The following SYDE1 variants were observed in gnomAD, a reference collection of about 807,000 sequenced individuals.
SYDE1 encodes synapse defective Rho GTPase activating protein 1, also known as rho GTPase-activating protein SYDE1.
A neutral mutation model predicts 63.3 loss-of-function variants in SYDE1; 34 were observed. That is an observed-to-expected ratio of 0.54 (90% CI 0.41 to 0.71). SYDE1 has a LOEUF of 0.71. Ranked by LOEUF, SYDE1 falls within the 30% of genes least tolerant of loss-of-function variation. The pLI is 0.00. For missense variants in SYDE1, 925 were observed against 1,042.5 expected (o/e 0.89, Z 1.55); for synonymous variants, 467 against 473.4 (o/e 0.99, Z 0.18).
rs746262621 is a variant in SYDE1 at position 15,108,902 on chromosome 19, C to G, written c.89-154C>G. ...ACTGAGATCGCTAGCCTGTGGCTGC[C>G]TATTCCAAACAAAACAGCAGGATCC... is the stretch of plus-strand genomic sequence containing the variant. On this transcript the variant is annotated intron_variant, in intron 1 of 7. Coordinates refer to ENST00000342784, the MANE Select transcript of SYDE1 (RefSeq NM_033025.6). This position sits in a 1 kb window ranked among gnomAD's most constrained non-coding sequence, Gnocchi z 4.3. 6 of 1,252,284 alleles carry G rather than the reference C, an allele frequency of 4.8e-6. No homozygotes were observed. Among genetic ancestry groups the G allele is most frequent in the Non-Finnish European group, 6.3e-6 (6 of 953,386 alleles). The allele number at this position is 1,252,284 out of a possible 1,614,324, so 77.6% of individuals were successfully genotyped here. A position where few individuals can be genotyped will look rare whatever the true frequency, so the allele number is the denominator to read the frequency against.
rs763092055 is a variant in SYDE1 at position 15,113,886 on chromosome 19, C to G, written c.2131C>G (p.Leu711Val). The G allele has an allele frequency of 1.2e-6, 2 of 1,614,182 alleles. No homozygotes were observed. Among genetic ancestry groups the G allele is most frequent in the Non-Finnish European group, 1.7e-6 (2 of 1,180,046 alleles). ...DDFDAPFNPH[L>V]NLKDFDALIL... ...CTTCGATGCGCCCTTCAACCCGCACCTGAATCTCAAAGACTTCGACGCCCT... is the reference window on the plus strand; with the variant it reads ...CTTCGATGCGCCCTTCAACCCGCACGTGAATCTCAAAGACTTCGACGCCCT... Residue 711 changes from leucine (L) to valine (V), a missense_variant, in exon 8 of 8, where the codon CTG (leucine) becomes GTG (valine). By Grantham distance (32) the Leu-to-Val change is conservative (BLOSUM62 1). Around this residue, in one of 3 missense-constraint regions of SYDE1, gnomAD observed 255 missense variants for 255.9 expected, o/e 1.00. Transcript: ENST00000342784.
At chr19:15,113,500 AAGC>A in intron 7 of SYDE1, 57 bp from the exon 8 acceptor site, 1 of 1,495,824 alleles carries the variant, frequency 6.7e-7, no homozygotes, top group Non-Finnish European at 8.9e-7. Flanking sequence ...CTAGTTCCCT[AAGC>A]AGCCAATCAG....
chr19:15,111,941 A>T lies in SYDE1; in HGVS notation c.1578+149A>T. On this transcript the variant is annotated intron_variant, in intron 6 of 7. Transcript: ENST00000342784. The surrounding 1 kb of genome is among the most constrained non-coding windows in gnomAD (Gnocchi z 5.5). The stretch of plus-strand genomic sequence containing the variant: ...GTGCTATTAGCATCCCACTTCATAG[A>T]TTTGGAAACTGAGGCCCAAAGCAGG... The T allele has an allele frequency of 1.2e-6, 1 of 864,830 alleles. No individual in the cohort carries two copies. The allele number at this position is 864,830 out of a possible 1,614,324, so 53.6% of individuals were successfully genotyped here.
Position 15,109,657 on chromosome 19 carries a change from T to G in SYDE1, c.431-47T>G. ...CAGGGGAGCACCAGCCTCACCCCCC[T>G]CCCCTAAGCCCAGGTTCCTGGACCC... On this transcript the variant is annotated intron_variant, in intron 2 of 7. Transcript: ENST00000342784. The surrounding 1 kb of genome is among the most constrained non-coding windows in gnomAD (Gnocchi z 5.0). 8.5e-7 allele frequency: 1 copy of G among 1,173,134 alleles called. No individual in the cohort carries two copies. The highest frequency in any genetic ancestry group is 1.2e-6 in the Non-Finnish European group (1 of 862,330). 72.7% of individuals were successfully genotyped at this position (1,173,134 alleles called of 1,614,324 possible).
chr19:15,113,253 T>A (rs985721893), intron 7 of SYDE1, among the ~76,000 whole-genome samples: 1 of 152,172 alleles, frequency 6.6e-6, no homozygotes, highest in Admixed American at 6.5e-5. Context: ...TTGGCCAGGC[T>A]GGTCTTGAAC....
intron 1 of SYDE1, 130 bp downstream of exon 1, chr19:15,107,651 T>G: frequency 3.9e-5 from 11 of 283,988 alleles, no homozygotes; most frequent in South Asian, 1.3e-4. Context: ...CAGACTGGGG[T>G]GCCTCCAGCC....
Position 15,113,974 on chromosome 19 carries a change from G to A in SYDE1, c.*11G>A, listed in dbSNP as rs201498782. The A allele has an allele frequency of 2.5e-5, 40 of 1,605,398 alleles. No homozygotes were observed. Among genetic ancestry groups the A allele is most frequent in the East Asian group, 8.9e-5 (4 of 44,706 alleles). On this transcript the variant is annotated 3_prime_UTR_variant, in exon 8 of 8. Transcript: ENST00000342784. ...AACGTGTGCCTCTGAGCCAGATGACGGGGTGGGACCCCGGTTAGTAAGGAC... is the reference window on the plus strand; with the variant it reads ...AACGTGTGCCTCTGAGCCAGATGACAGGGTGGGACCCCGGTTAGTAAGGAC...
chr19:15,113,750 T>C lies in SYDE1; in HGVS notation c.1995T>C (p.Cys665=), dbSNP rs61732043. 50 of 1,613,812 alleles carry C rather than the reference T, an allele frequency of 3.1e-5. 1 individual carries two copies. In the African/African-American group the frequency reaches 6.3e-4, roughly 20 times the overall value. ...TTTGCGGGCGGGACTTCCTGCCCTG[T>C]GGGCGGGATTTCCTGTCCGGGCCAG... ...WSVCGRDFLP[C]GRDFLSGPDY... is the part of the protein sequence containing the mutation. The change falls in exon 8 of 8, where the codon TGT becomes TGC. Residue 665 remains cysteine (C), a synonymous_variant. Coordinates refer to ENST00000342784, the MANE Select transcript of SYDE1 (RefSeq NM_033025.6).
rs553459926 is a variant in SYDE1, at chr19:15,112,642, C to G, written c.1804+71C>G. The G allele has an allele frequency of 1.8e-5, 24 of 1,340,442 alleles. No homozygotes were observed. The African/African-American group carries it at 3.2e-4, about 18-fold the overall frequency. 83.0% of individuals were successfully genotyped at this position (1,340,442 alleles called of 1,614,324 possible). Reference sequence around the variant, plus strand: ...CTACAGTGATGCCACCTTAAGGGACCAATCAGTGTCTTAGGCTTGAAGCTA... The same window carrying G: ...CTACAGTGATGCCACCTTAAGGGACGAATCAGTGTCTTAGGCTTGAAGCTA... On this transcript the variant is annotated intron_variant, in intron 7 of 7. Coordinates refer to ENST00000342784, the MANE Select transcript of SYDE1 (RefSeq NM_033025.6).
rs146104016 is a variant in SYDE1 at position 15,108,417 on chromosome 19, C to A, written c.89-639C>A. On this transcript the variant is annotated intron_variant, in intron 1 of 7. Coordinates refer to ENST00000342784, the MANE Select transcript of SYDE1 (RefSeq NM_033025.6). The surrounding 1 kb of genome is among the most constrained non-coding windows in gnomAD (Gnocchi z 4.3). ...GGAGAGGAGGGAGGGAAGGGGAAGT[C>A]CCAAAGCATTGAGCGTGGGGGGTCT... Among the ~76,000 whole-genome samples, 9 of 152,176 alleles carry A rather than the reference C, an allele frequency of 5.9e-5. No homozygotes were observed. The highest frequency in any genetic ancestry group is 1.0e-4 in the Non-Finnish European group (7 of 67,990).
At position 15,111,528 on chromosome 19, in the gene SYDE1, C is replaced by T; in HGVS notation, c.1417+89C>T. The T allele has an allele frequency of 6.3e-7, 1 of 1,596,562 alleles. No homozygotes were observed. The highest frequency in any genetic ancestry group is 8.6e-7 in the Non-Finnish European group (1 of 1,168,542). On this transcript the variant is annotated intron_variant, in intron 5 of 7. Transcript: ENST00000342784. This position sits in a 1 kb window ranked among gnomAD's most constrained non-coding sequence, Gnocchi z 5.5. ...GGGCTCCTCTGGGACCTCAGTCCTCCTATCTGACCTTGCTTTCACCCACCT... is the reference window on the plus strand; with the variant it reads ...GGGCTCCTCTGGGACCTCAGTCCTCTTATCTGACCTTGCTTTCACCCACCT...
At chr19:15,112,632 C>A in intron 7 of SYDE1, 61 bp downstream of exon 7, 2 of 1,383,662 alleles carry the variant, frequency 1.4e-6, no homozygotes, top group South Asian at 1.4e-5. Flanking sequence ...GTGATGCCAC[C>A]TTAAGGGACC....
Position 15,110,676 on chromosome 19 carries a change from G to T in SYDE1, c.1231G>T (p.Gly411Cys). 6.3e-7 allele frequency: 1 copy of T among 1,583,092 alleles called. No homozygotes were observed. Among genetic ancestry groups the T allele is most frequent in the Non-Finnish European group, 8.6e-7 (1 of 1,166,824 alleles). Residue 411 changes from glycine to cysteine, a missense_variant, in exon 4 of 8, where the codon GGC becomes TGC. Physicochemically the swap from Gly to Cys is radical, Grantham distance 159. Transcript: ENST00000342784. This position sits in a 1 kb window ranked among gnomAD's most constrained non-coding sequence, Gnocchi z 6.9. ...GCTGGTGGAGCGGGAGCGGCCCCCCGGCCAGGTGCCCCTCATCATCCAGAA... is the reference window on the plus strand; with the variant it reads ...GCTGGTGGAGCGGGAGCGGCCCCCCTGCCAGGTGCCCCTCATCATCCAGAA... ...PLLVERERPP[G>C]QVPLIIQKCV...
rs1335210275 is a variant in SYDE1, at chr19:15,110,515, C to G, written c.1076-6C>G. ...ACACCCGGCTCAGGCCCCCTTGTGT[C>G]CTCAGGGTGCCAGGCCCAACAGCTG... is the stretch of plus-strand genomic sequence containing the variant. On this transcript the variant is annotated splice_region_variant and splice_polypyrimidine_tract_variant and intron_variant, in intron 3 of 7. Coordinates refer to ENST00000342784, the MANE Select transcript of SYDE1 (RefSeq NM_033025.6). This position sits in a 1 kb window ranked among gnomAD's most constrained non-coding sequence, Gnocchi z 6.9. 1 of 1,572,030 alleles carries G rather than the reference C, an allele frequency of 6.4e-7. No individual in the cohort carries two copies. The highest frequency in any genetic ancestry group is 8.6e-7 in the Non-Finnish European group (1 of 1,161,666).
In SYDE1 at chr19:15,111,843, A is replaced by G. The variant is rs1263209415; in HGVS notation, c.1578+51A>G. 6.7e-7 allele frequency: 1 copy of G among 1,499,792 alleles called. No individual in the cohort carries two copies. The highest frequency in any genetic ancestry group is 8.9e-7 in the Non-Finnish European group (1 of 1,118,532). The allele number at this position is 1,499,792 out of a possible 1,614,324, so 92.9% of individuals were successfully genotyped here. Reference sequence around the variant, plus strand: ...GGGACTTGAGAGTGGGCTGATACCAATAGAATGTTTCACCCATGCCTGGGC... The same window carrying G: ...GGGACTTGAGAGTGGGCTGATACCAGTAGAATGTTTCACCCATGCCTGGGC... On this transcript the variant is annotated intron_variant, in intron 6 of 7. Coordinates refer to ENST00000342784, the MANE Select transcript of SYDE1 (RefSeq NM_033025.6). The surrounding 1 kb of genome is among the most constrained non-coding windows in gnomAD (Gnocchi z 5.5).
intron 6 of SYDE1, 60 bp from the exon 7 acceptor site, chr19:15,112,286 C>A: frequency 8.5e-7 from 1 of 1,183,068 alleles, no homozygotes. Flanking sequence ...TAGTCTCTTG[C>A]AGGTAGGTGC....
Position 15,114,471 on chromosome 19 carries a change from G to C in SYDE1, c.*508G>C, listed in dbSNP as rs2046369566. 6.2e-6 allele frequency: 1 copy of C among 160,506 alleles called. No individual in the cohort carries two copies. The highest frequency in any genetic ancestry group is 1.4e-5 in the Non-Finnish European group (1 of 72,974). The allele number at this position is 160,506 out of a possible 1,614,324, so 9.9% of individuals were successfully genotyped here. On this transcript the variant is annotated 3_prime_UTR_variant, in exon 8 of 8. Coordinates refer to ENST00000342784, the MANE Select transcript of SYDE1 (RefSeq NM_033025.6). The stretch of plus-strand genomic sequence containing the variant: ...TTTGTGGGGGGCAGCCCCTATCCTG[G>C]GTTCCAGCATGGACACAGGGGTAGC...
chr19:15,108,902 C>T lies in SYDE1; in HGVS notation c.89-154C>T, dbSNP rs746262621. 6.4e-6 allele frequency: 8 copies of T among 1,252,166 alleles called. No individual in the cohort carries two copies. Among genetic ancestry groups the T allele is most frequent in the Non-Finnish European group, 7.3e-6 (7 of 953,394 alleles). The allele number at this position is 1,252,166 out of a possible 1,614,324, so 77.6% of individuals were successfully genotyped here. On this transcript the variant is annotated intron_variant, in intron 1 of 7. Coordinates refer to ENST00000342784, the MANE Select transcript of SYDE1 (RefSeq NM_033025.6). This position sits in a 1 kb window ranked among gnomAD's most constrained non-coding sequence, Gnocchi z 4.3. ...ACTGAGATCGCTAGCCTGTGGCTGC[C>T]TATTCCAAACAAAACAGCAGGATCC...
Position 15,111,364 on chromosome 19 carries a change from C to T in SYDE1, c.1342C>T (p.Arg448Trp), listed in dbSNP as rs770508655. 3.1e-6 allele frequency: 5 copies of T among 1,614,018 alleles called. No homozygotes were observed. Among genetic ancestry groups the T allele is most frequent in the Non-Finnish European group, 4.2e-6 (5 of 1,180,002 alleles). ...CTCAGCGGCAGTGAAGAAAGAGCTT[C>T]GGGATGCCTTTGAGCGGGACAGTGC... ...CGSAAVKKEL[R>W]DAFERDSAAV... is the part of the protein sequence containing the mutation. The change falls in exon 5 of 8, where the codon CGG (arginine) becomes TGG (tryptophan). Residue 448 changes from arginine (R) to tryptophan (W), a missense_variant. Transcript: ENST00000342784. The surrounding 1 kb of genome is among the most constrained non-coding windows in gnomAD (Gnocchi z 5.5).
Sources: gnomAD v4.1 joint callset for allele counts (sites outside exome capture counted in the v4.1 genomes callset) on GRCh38, gnomAD v4.1.1 for gene constraint, gnomAD v4.1.1 regional missense constraint, Gnocchi (gnomAD v3.1) non-coding constraint, MANE v1.5 for transcripts, NCBI Gene and HGNC (gene_info 2026-07-23, HGNC 2026-07-21) for gene names.